COLQ: variants seen among roughly 807,000 people sequenced by gnomAD.
COLQ encodes the protein acetylcholinesterase collagenic tail peptide.
COLQ carries 48 observed loss-of-function variants against 69.0 expected under a neutral mutation model. That is an observed-to-expected ratio of 0.70 (90% CI 0.55 to 0.88). The LOEUF (loss-of-function observed/expected upper bound fraction) is 0.88, where lower values mean the gene tolerates loss of function less well. Ranked by LOEUF, COLQ falls within the 40% of genes least tolerant of loss-of-function variation. The probability of loss-of-function intolerance (pLI) is 0.00; values close to 1 mark genes in which losing one functional copy is unlikely to be tolerated. For synonymous variants in COLQ, 217 were observed against 211.2 expected, an observed-to-expected ratio of 1.03 and a Z score of -0.24; for missense variants, 618 against 594.6, an observed-to-expected ratio of 1.04 and a Z score of -0.41.
At chr3:15,510,963 A>T (rs140263588) in intron 1 of COLQ, among the ~76,000 whole-genome samples, 1 of 152,264 alleles carries the variant, frequency 6.6e-6, no homozygotes, top group Non-Finnish European at 1.5e-5. Flanking sequence ...AGCTGTGTGA[A>T]TGGGAACTCC....
intron 1 of COLQ, among the ~76,000 whole-genome samples, chr3:15,512,565 T>A (rs2063002305): frequency 6.6e-6 from 1 of 152,210 alleles, no homozygotes; most frequent in South Asian, 2.1e-4. Context: ...AGTCTCTTCT[T>A]TTTTGCCGTA....
At chr3:15,461,159 A>G (rs889760281) in intron 12 of COLQ, among the ~76,000 whole-genome samples, 2 of 151,682 alleles carry the variant, frequency 1.3e-5, no homozygotes, top group African/African-American at 4.8e-5. Context: ...GATTATTGCA[A>G]ATTACATCCT....
At chr3:15,470,781 A>G in intron 10 of COLQ, 165 bp from the exon 11 acceptor site, 1 of 715,934 alleles carries the variant, frequency 1.4e-6, no homozygotes, top group South Asian at 1.5e-5. Flanking sequence ...AAGTCATGAG[A>G]AAGGCAGACA....
chr3:15,474,607 A>G (rs1264568476), intron 8 of COLQ, among the ~76,000 whole-genome samples: 1 of 152,202 alleles, frequency 6.6e-6, no homozygotes, highest in African/African-American at 2.4e-5. Context: ...AGCTTGGCCT[A>G]AAGACATGCA....
At chr3:15,470,462 C>T in intron 11 of COLQ, 74 bp downstream of exon 11, 2 of 1,359,442 alleles carry the variant, frequency 1.5e-6, no homozygotes, top group Non-Finnish European at 2.1e-6. Context: ...TTAACGCCAC[C>T]TGCCTGCCAC....
At chr3:15,471,872 G>A (rs2062293653) in intron 10 of COLQ, among the ~76,000 whole-genome samples, 1 of 152,162 alleles carries the variant, frequency 6.6e-6, no homozygotes, top group African/African-American at 2.4e-5. Context: ...TAGGATGGAT[G>A]CCGCATGCCA....
intron 3 of COLQ, among the ~76,000 whole-genome samples, chr3:15,487,298 G>A (rs1454402207): frequency 6.6e-6 from 1 of 152,190 alleles, no homozygotes; most frequent in African/African-American, 2.4e-5. Context: ...CCAAACAGCA[G>A]GAACCACAAG....
At chr3:15,479,755 T>A (rs1007682672) in intron 3 of COLQ, among the ~76,000 whole-genome samples, 1 of 152,186 alleles carries the variant, frequency 6.6e-6, no homozygotes, top group African/African-American at 2.4e-5. Context: ...ACCTCTCATA[T>A]CTTTTCAGTT....
intron 10 of COLQ, among the ~76,000 whole-genome samples, chr3:15,471,213 T>C (rs550063268): frequency 6.6e-6 from 1 of 152,338 alleles, no homozygotes; most frequent in Non-Finnish European, 1.5e-5. Flanking sequence ...AGATGAAAGT[T>C]CTTTTGTGGG....
intron 1 of COLQ, among the ~76,000 whole-genome samples, chr3:15,518,458 G>A (rs917556333): frequency 6.6e-6 from 1 of 152,160 alleles, no homozygotes; most frequent in African/African-American, 2.4e-5. Context: ...TAGAATAAAG[G>A]CCTGAAATAG....
intron 10 of COLQ, among the ~76,000 whole-genome samples, chr3:15,472,030 A>C (rs2062297796): frequency 6.6e-6 from 1 of 151,238 alleles, no homozygotes; most frequent in Non-Finnish European, 1.5e-5. Flanking sequence ...CATTAGCTTG[A>C]AGCAGTCAGG....
intron 5 of COLQ, chr3:15,477,512 G>A (rs1212860790): frequency 5.3e-6 from 2 of 380,928 alleles, no homozygotes; most frequent in Admixed American, 7.7e-5. Flanking sequence ...TTCTTTCCAA[G>A]GATGTGCTAT....
Position 15,470,396 on chromosome 3 carries a change from G to C in COLQ, c.717+140C>G, listed in dbSNP as rs563488873. On this transcript the variant is annotated intron_variant, in intron 11 of 16. Transcript: ENST00000383788. ...GCCAGCAGCTTCTGGAAGTGGTGCTGCTCCCGTCTGCTAGCCCAGAGGATG... is the reference window on the plus strand; with the variant it reads ...GCCAGCAGCTTCTGGAAGTGGTGCTCCTCCCGTCTGCTAGCCCAGAGGATG... 44 of 788,528 alleles carry C rather than the reference G, an allele frequency of 5.6e-5. No homozygotes were observed. The African/African-American group carries it at 7.0e-4, about 13-fold the overall frequency. The allele number at this position is 788,528 out of a possible 1,614,324, so 48.8% of individuals were successfully genotyped here. A position where few individuals can be genotyped will look rare whatever the true frequency, so the allele number is the denominator to read the frequency against.
intron 3 of COLQ, among the ~76,000 whole-genome samples, chr3:15,484,037 C>T (rs1028745918): frequency 9.8e-5 from 12 of 122,986 alleles, no homozygotes; most frequent in Admixed American, 6.4e-4. Flanking sequence ...GATTGCAAGC[C>T]GTGCTTTTTT....
At chr3:15,486,141 T>C (rs1031217741) in intron 3 of COLQ, among the ~76,000 whole-genome samples, 4 of 152,190 alleles carry the variant, frequency 2.6e-5, no homozygotes, top group African/African-American at 9.7e-5. Flanking sequence ...TTCCAATCTC[T>C]TGATTCTTCC....
At chr3:15,476,231 C>A (rs2062375609) in intron 6 of COLQ, among the ~76,000 whole-genome samples, 1 of 152,194 alleles carries the variant, frequency 6.6e-6, no homozygotes, top group African/African-American at 2.4e-5. Flanking sequence ...ACTTAGAGAT[C>A]ATAAAATTTA....
chr3:15,498,517 C>G, intron 1 of COLQ: 1 of 1,551,680 alleles, frequency 6.4e-7, no homozygotes, highest in Non-Finnish European at 8.7e-7. Flanking sequence ...CTCACCCAAG[C>G]AGCCTGCCGA....
chr3:15,515,739 G>C (rs1051065686), intron 1 of COLQ, among the ~76,000 whole-genome samples: 1 of 152,196 alleles, frequency 6.6e-6, no homozygotes, highest in Non-Finnish European at 1.5e-5. Flanking sequence ...CCAGGAGGTG[G>C]AGGTTGCAGT....
intron 1 of COLQ, among the ~76,000 whole-genome samples, chr3:15,519,644 C>A (rs1412169202): frequency 6.6e-6 from 1 of 152,196 alleles, no homozygotes; most frequent in African/African-American, 2.4e-5. Flanking sequence ...CAGATCTTTT[C>A]ATCTGAACCA....
Sources: allele counts gnomAD v4.1 joint callset (sites outside exome capture counted in the v4.1 genomes callset), GRCh38; gene constraint gnomAD v4.1.1; transcripts MANE v1.5; gene names NCBI Gene and HGNC (gene_info 2026-07-23, HGNC 2026-07-21).